SCN1A: variants seen among roughly 807,000 people sequenced by gnomAD.
SCN1A encodes the protein sodium voltage-gated channel alpha subunit 1, also known as sodium channel protein type 1 subunit alpha.
A neutral mutation model predicts 193.7 loss-of-function variants in SCN1A; 13 were observed. That is an observed-to-expected ratio of 0.07 (90% CI 0.04 to 0.11). SCN1A has a LOEUF of 0.11. Ranked by LOEUF, SCN1A falls within the 10% of genes least tolerant of loss-of-function variation. The pLI is 1.00. For synonymous variants in SCN1A, 781 were observed against 843.6 expected (o/e 0.93, Z 1.29); for missense variants, 1,432 against 2,451.1 (o/e 0.58, Z 8.78).
intron 20 of SCN1A, among the ~76,000 whole-genome samples, chr2:166,014,770 G>T (rs916450959): frequency 2.0e-5 from 3 of 151,286 alleles, no homozygotes; most frequent in Non-Finnish European, 4.4e-5. Flanking sequence ...TGGAGGAAAA[G>T]AAGAGAAAAA....
At chr2:165,996,398 G>T in intron 26 of SCN1A, 1 of 276,428 alleles carries the variant, frequency 3.6e-6, no homozygotes, top group South Asian at 4.1e-5. Flanking sequence ...CTTATGCTTA[G>T]TGAGTGGCGA....
At chr2:166,003,231 T>C (rs1313811188) in intron 23 of SCN1A, among the ~76,000 whole-genome samples, 1 of 151,470 alleles carries the variant, frequency 6.6e-6, no homozygotes, top group Admixed American at 6.6e-5. Context: ...ATATAAAAAA[T>C]ATTATTAAAT....
chr2:166,041,645 A>T (rs940469548), intron 15 of SCN1A, among the ~76,000 whole-genome samples, 176 bp from the exon 16 acceptor site: 11 of 152,344 alleles, frequency 7.2e-5, no homozygotes, highest in Admixed American at 5.2e-4. Flanking sequence ...AGGATATTTC[A>T]TCAGACACAC....
chr2:166,101,197 A>G (rs561686427), intron 2 of SCN1A, among the ~76,000 whole-genome samples: 2 of 151,586 alleles, frequency 1.3e-5, no homozygotes, highest in African/African-American at 4.8e-5. Flanking sequence ...TGATGAGTTC[A>G]TGTCCTTTGT....
At chr2:166,024,881 G>A (rs1034458128) in intron 19 of SCN1A, among the ~76,000 whole-genome samples, 29 of 152,054 alleles carry the variant, frequency 1.9e-4, no homozygotes, top group East Asian at 5.8e-4. Flanking sequence ...CTTGAACTCC[G>A]GAGCTCAAGC....
At chr2:166,065,181 G>A (rs1002894124) in intron 4 of SCN1A, among the ~76,000 whole-genome samples, 1 of 152,158 alleles carries the variant, frequency 6.6e-6, no homozygotes, top group African/African-American at 2.4e-5. Context: ...CCTTGAAATA[G>A]CCTGGAAGTC....
Position 166,123,397 on chromosome 2 carries a change from C to T in SCN1A, c.-142+3527G>A, listed in dbSNP as rs116531566. ...TCATTTCTGGAGGAAGAAAAACTGA[C>T]TGGGTGACTATATCATTCTAACCAA... On this transcript the variant is annotated intron_variant, in intron 2 of 28. Transcript: ENST00000674923. 75 of 152,268 alleles carry T rather than the reference C, an allele frequency of 4.9e-4. 2 individuals carry two copies. Among genetic ancestry groups the T allele is most frequent in the African/African-American group, 1.8e-3 (74 of 41,550 alleles). 9.4% of individuals were successfully genotyped at this position (152,268 alleles called of 1,614,324 possible). A position where few individuals can be genotyped will look rare whatever the true frequency, so the allele number is the denominator to read the frequency against.
chr2:166,089,082 A>G (rs1453167684), intron 2 of SCN1A, among the ~76,000 whole-genome samples: 1 of 152,158 alleles, frequency 6.6e-6, no homozygotes, highest in Non-Finnish European at 1.5e-5. Flanking sequence ...GGTTTGTTAC[A>G]TAGGTATACA....
At chr2:166,019,363 A>G (rs1480297434) in intron 19 of SCN1A, among the ~76,000 whole-genome samples, 2 of 152,226 alleles carry the variant, frequency 1.3e-5, no homozygotes, top group East Asian at 3.8e-4. Context: ...TATATTCTAC[A>G]GTCTGTCTGA....
intron 2 of SCN1A, among the ~76,000 whole-genome samples, chr2:166,118,050 G>T (rs1004892768): frequency 6.6e-6 from 1 of 150,656 alleles, no homozygotes; most frequent in African/African-American, 2.4e-5. Context: ...ACTGTGAAAA[G>T]TTTTTTTTAT....
At chr2:166,109,272 G>A (rs976724454) in intron 2 of SCN1A, among the ~76,000 whole-genome samples, 4 of 152,072 alleles carry the variant, frequency 2.6e-5, no homozygotes, top group Non-Finnish European at 1.5e-5. Flanking sequence ...GTACACTACT[G>A]AATTTACATC....
intron 2 of SCN1A, among the ~76,000 whole-genome samples, chr2:166,118,717 T>C (rs1044611585): frequency 5.9e-5 from 9 of 152,186 alleles, no homozygotes; most frequent in African/African-American, 1.9e-4. Flanking sequence ...AGTAACTCTT[T>C]CCAGGATTTT....
intron 8 of SCN1A, 37 bp from the exon 9 acceptor site, chr2:166,052,025 A>T: frequency 6.4e-7 from 1 of 1,564,394 alleles, no homozygotes; most frequent in African/African-American, 1.4e-5. Context: ...AAGACTTAAC[A>T]CGTGTGAAAT....
intron 19 of SCN1A, among the ~76,000 whole-genome samples, chr2:166,026,843 C>G (rs1694853019): frequency 6.6e-6 from 1 of 151,606 alleles, no homozygotes; most frequent in Non-Finnish European, 1.5e-5. Flanking sequence ...ACCACTGCAC[C>G]CGGCTAATTT....
At chr2:166,010,271 G>A (rs954377554) in intron 22 of SCN1A, among the ~76,000 whole-genome samples, 7 of 151,134 alleles carry the variant, frequency 4.6e-5, no homozygotes, top group Admixed American at 4.0e-4. Context: ...AGTTTCTACT[G>A]TGCATCAGTA....
At chr2:166,023,450 C>A (rs560872740) in intron 19 of SCN1A, among the ~76,000 whole-genome samples, 2 of 152,362 alleles carry the variant, frequency 1.3e-5, no homozygotes, top group Non-Finnish European at 2.9e-5. Context: ...CTTCCTTTAG[C>A]CCATTTTTTA....
intron 26 of SCN1A, among the ~76,000 whole-genome samples, chr2:165,996,851 G>A (rs1376316849): frequency 1.3e-5 from 2 of 151,324 alleles, no homozygotes; most frequent in African/African-American, 4.8e-5. Flanking sequence ...TGAAGCAACA[G>A]TACATAAAGG....
intron 2 of SCN1A, among the ~76,000 whole-genome samples, chr2:166,083,126 A>G (rs142190094): frequency 1.3e-5 from 2 of 152,114 alleles, no homozygotes; most frequent in Non-Finnish European, 2.9e-5. Flanking sequence ...TGGTTTTTAC[A>G]TAGAAATCCC....
chr2:166,071,490 A>C (rs777768784), intron 4 of SCN1A: 2 of 152,060 alleles, frequency 1.3e-5, no homozygotes, highest in African/African-American at 2.4e-5. Flanking sequence ...ATATGTAGTG[A>C]TTCCTAAAGT....
Sources: allele counts gnomAD v4.1 joint callset (sites outside exome capture counted in the v4.1 genomes callset), GRCh38; gene constraint gnomAD v4.1.1; transcripts MANE v1.5; gene names NCBI Gene and HGNC (gene_info 2026-07-23, HGNC 2026-07-21).